Variants in ADAMTS19 observed in about 807,000 individuals in gnomAD.
The protein encoded by ADAMTS19 is A disintegrin and metalloproteinase with thrombospondin motifs 19.
A neutral mutation model predicts 153.3 loss-of-function variants in ADAMTS19; 93 were observed. The observed-to-expected ratio is 0.61, with a 90% CI of 0.51 to 0.72. ADAMTS19 has a LOEUF of 0.72. ADAMTS19 is among the 30% of genes least tolerant of loss of function. The pLI is 0.00. For missense variants in ADAMTS19, 1,482 were observed against 1,552.1 expected, an observed-to-expected ratio of 0.95 and a Z score of 0.76; for synonymous variants, 600 against 556.6, an observed-to-expected ratio of 1.08 and a Z score of -1.10.
intron 12 of ADAMTS19, 124 bp downstream of exon 12, chr5:129,648,019 A>G: frequency 2.0e-6 from 2 of 1,017,796 alleles, no homozygotes; most frequent in Non-Finnish European, 2.7e-6. Flanking sequence ...GGAAAACAGA[A>G]AAGTCCTTCA....
At chr5:129,705,535 A>C (rs531256690) in intron 21 of ADAMTS19, among the ~76,000 whole-genome samples, 1 of 152,328 alleles carries the variant, frequency 6.6e-6, no homozygotes, top group African/African-American at 2.4e-5. Flanking sequence ...TACAACATTC[A>C]AAATTCACAT....
intron 2 of ADAMTS19, among the ~76,000 whole-genome samples, chr5:129,490,675 G>C (rs966190010): frequency 6.6e-6 from 1 of 152,062 alleles, no homozygotes; most frequent in Non-Finnish European, 1.5e-5. Flanking sequence ...TGAGACAAGA[G>C]ACCCTAAGTC....
At chr5:129,499,313 G>A (rs1167177657) in intron 2 of ADAMTS19, among the ~76,000 whole-genome samples, 2 of 152,010 alleles carry the variant, frequency 1.3e-5, no homozygotes, top group Non-Finnish European at 2.9e-5. Context: ...CAGAACAAGA[G>A]CAACAACAAC....
intron 2 of ADAMTS19, among the ~76,000 whole-genome samples, chr5:129,491,538 A>C (rs994467687): frequency 6.6e-5 from 10 of 152,148 alleles, no homozygotes; most frequent in African/African-American, 2.2e-4. Context: ...TTTAATTTGG[A>C]ATCCTTCTAC....
At chr5:129,597,068 T>G (rs886218519) in intron 8 of ADAMTS19, among the ~76,000 whole-genome samples, 2 of 152,180 alleles carry the variant, frequency 1.3e-5, no homozygotes, top group African/African-American at 4.8e-5. Flanking sequence ...AGTGAAGGAA[T>G]TAACCCGCAT....
chr5:129,629,160 C>T (rs531545125), intron 10 of ADAMTS19, among the ~76,000 whole-genome samples: 2 of 152,020 alleles, frequency 1.3e-5, no homozygotes, highest in Non-Finnish European at 2.9e-5. Context: ...AATAAGTGCT[C>T]AATAAATATT....
chr5:129,478,924 A>T (rs1415650998), intron 2 of ADAMTS19, among the ~76,000 whole-genome samples: 1 of 152,184 alleles, frequency 6.6e-6, no homozygotes, highest in Non-Finnish European at 1.5e-5. Context: ...ATTGATTTTT[A>T]AAAACAAAGA....
At chr5:129,703,339 C>T (rs1379073312) in intron 20 of ADAMTS19, among the ~76,000 whole-genome samples, 2 of 152,010 alleles carry the variant, frequency 1.3e-5, no homozygotes, top group South Asian at 2.1e-4. Context: ...CGTTATACAT[C>T]TCCTATTTAT....
At chr5:129,564,271 C>A (rs1753627619) in intron 7 of ADAMTS19, among the ~76,000 whole-genome samples, 1 of 152,056 alleles carries the variant, frequency 6.6e-6, no homozygotes, top group African/African-American at 2.4e-5. Context: ...AGAACCCAGT[C>A]ACGCCCACCC....
chr5:129,485,445 T>C (rs1750556696), intron 2 of ADAMTS19, among the ~76,000 whole-genome samples: 1 of 151,862 alleles, frequency 6.6e-6, no homozygotes, highest in African/African-American at 2.4e-5. Context: ...ACCTGAAATA[T>C]AAAGAATAAA....
intron 16 of ADAMTS19, among the ~76,000 whole-genome samples, chr5:129,667,702 A>T (rs942350557): frequency 6.6e-6 from 1 of 152,156 alleles, no homozygotes; most frequent in Non-Finnish European, 1.5e-5. Flanking sequence ...GAAGCCAAGC[A>T]GATGGCAGCA....
intron 2 of ADAMTS19, among the ~76,000 whole-genome samples, chr5:129,503,827 C>T: frequency 6.9e-6 from 1 of 145,456 alleles, no homozygotes; most frequent in Non-Finnish European, 1.5e-5. Flanking sequence ...CACTCCATCT[C>T]AAAAAAAAAA....
chr5:129,564,252 C>G lies in ADAMTS19; in HGVS notation c.1372+12345C>G, dbSNP rs141091940. Among the ~76,000 whole-genome samples the G allele has an allele frequency of 2.2e-3, 336 of 152,176 alleles. 1 individual carries two copies. The highest frequency in any genetic ancestry group is 0.014 in the Middle Eastern group (4 of 294). ...TATATTGACTTTGGCCTTGTGAGAC[C>G]TTAAGCAGAGAACCCAGTCACGCCC... is the stretch of plus-strand genomic sequence containing the variant. On this transcript the variant is annotated intron_variant, in intron 7 of 22. Transcript: ENST00000274487.
chr5:129,494,748 T>C (rs535562746), intron 2 of ADAMTS19, among the ~76,000 whole-genome samples: 2 of 152,296 alleles, frequency 1.3e-5, no homozygotes, highest in Non-Finnish European at 2.9e-5. Context: ...CATATTGACA[T>C]GGGCCAAAAT....
chr5:129,489,947 C>A (rs1405601501), intron 2 of ADAMTS19, among the ~76,000 whole-genome samples: 1 of 152,130 alleles, frequency 6.6e-6, no homozygotes, highest in Non-Finnish European at 1.5e-5. Context: ...TGTTTCCTTC[C>A]ATGCATTAAA....
At chr5:129,497,206 T>C (rs775822248) in intron 2 of ADAMTS19, among the ~76,000 whole-genome samples, 8 of 152,072 alleles carry the variant, frequency 5.3e-5, no homozygotes, top group Non-Finnish European at 1.2e-4. Flanking sequence ...AATTCTGATT[T>C]TGTTTTTTGA....
chr5:129,641,841 T>C lies in ADAMTS19; in HGVS notation c.1771-18T>C, dbSNP rs564633086. On this transcript the variant is annotated intron_variant, in intron 10 of 22. Transcript: ENST00000274487. ...TGTGATACCTTCCCCTTATTAGTTA[T>C]TGTGCCTTTGTTTTCAGCATGTTAT... The C allele has an allele frequency of 2.0e-6, 3 of 1,537,606 alleles. No individual in the cohort carries two copies. The highest frequency in any genetic ancestry group is 1.4e-5 in the African/African-American group (1 of 73,012).
At chr5:129,518,140 T>C (rs1429603918) in intron 3 of ADAMTS19, among the ~76,000 whole-genome samples, 3 of 152,274 alleles carry the variant, frequency 2.0e-5, no homozygotes, top group Admixed American at 6.5e-5. Flanking sequence ...ATTTATATCT[T>C]TGTACTGACT....
chr5:129,540,224 A>C (rs1234800835), intron 6 of ADAMTS19, among the ~76,000 whole-genome samples: 3 of 152,042 alleles, frequency 2.0e-5, no homozygotes, highest in African/African-American at 4.8e-5. Context: ...AATAGGAAGA[A>C]ATTTTAGCTC....
Sources: gnomAD v4.1 joint callset for allele counts (sites outside exome capture counted in the v4.1 genomes callset) on GRCh38, gnomAD v4.1.1 for gene constraint, MANE v1.5 for transcripts, NCBI Gene and HGNC (gene_info 2026-07-23, HGNC 2026-07-21) for gene names.